The following GP2 variants were observed in gnomAD, a reference collection of about 807,000 sequenced individuals.
The protein encoded by GP2 is pancreatic secretory granule membrane major glycoprotein GP2.
GP2 carries 58 observed loss-of-function variants against 60.8 expected under a neutral mutation model. That is an observed-to-expected ratio of 0.95 (90% CI 0.77 to 1.19). The LOEUF (loss-of-function observed/expected upper bound fraction) is 1.19, where lower values mean the gene tolerates loss of function less well. Among genes scored for constraint, GP2 ranks in the 50% most tolerant of loss-of-function variants. The probability of loss-of-function intolerance (pLI) is 0.00; values close to 1 mark genes in which losing one functional copy is unlikely to be tolerated. For missense variants in GP2, 647 were observed against 667.4 expected (o/e 0.97, Z 0.34); for synonymous variants, 280 against 253.4 (o/e 1.10, Z -1.00).
intron 10 of GP2, among the ~76,000 whole-genome samples, chr16:20,312,426 A>T (rs1964016607): frequency 6.6e-6 from 1 of 152,242 alleles, no homozygotes; most frequent in Non-Finnish European, 1.5e-5. Context: ...AACATCAAAG[A>T]TGATTGTGAT....
At position 20,318,231 on chromosome 16, in the gene GP2, T is replaced by C; in HGVS notation, c.1207A>G (p.Thr403Ala). 6.2e-7 allele frequency: 1 copy of C among 1,612,996 alleles called. No individual in the cohort carries two copies. The highest frequency in any genetic ancestry group is 8.5e-7 in the Non-Finnish European group (1 of 1,178,962). ...TTCACAAGGTCAGCCTTGTCTTCAGTGGGGGTGGCATAGCAGTTCCTCAAC... is the reference window on the plus strand; with the variant it reads ...TTCACAAGGTCAGCCTTGTCTTCAGCGGGGGTGGCATAGCAGTTCCTCAAC... ...LVLRNCYATP[T>A]EDKADLVKYF... The change falls in exon 7 of 11, where the codon ACT becomes GCT. Residue 403 changes from threonine to alanine, a missense_variant. Physicochemically the swap from Thr to Ala is moderately conservative, Grantham distance 58. Transcript: ENST00000302555.
Position 20,319,444 on chromosome 16 carries a change from A to G in GP2, c.1007+176T>C, listed in dbSNP as rs187216176. On this transcript the variant is annotated intron_variant, in intron 6 of 10. Coordinates refer to ENST00000302555, the MANE Select transcript of GP2 (RefSeq NM_001502.4). ...GGAATAGTCTATGTCTGCCTTGTTC[A>G]TGCTGAACATCTTTAATATACAATC... Among the ~76,000 whole-genome samples the G allele has an allele frequency of 1.3e-3, 196 of 152,324 alleles. 1 individual carries two copies. Among genetic ancestry groups the G allele is most frequent in the African/African-American group, 4.6e-3 (191 of 41,578 alleles).
intron 8 of GP2, among the ~76,000 whole-genome samples, chr16:20,316,943 C>A: frequency 6.7e-6 from 1 of 149,022 alleles, no homozygotes; most frequent in East Asian, 2.0e-4. Flanking sequence ...CTTCCCTTCC[C>A]TCCCTCCTTC....
intron 2 of GP2, among the ~76,000 whole-genome samples, chr16:20,324,800 CAT>C (rs1964486467): frequency 6.6e-6 from 1 of 152,180 alleles, no homozygotes; most frequent in African/African-American, 2.4e-5. Flanking sequence ...CTTAATATAA[CAT>C]AGACATTTTT....
In GP2 at chr16:20,318,332, A is replaced by G; in HGVS notation, c.1106T>C (p.Val369Ala). The change falls in exon 7 of 11, where the codon GTT (valine) becomes GCT (alanine). Residue 369 changes from valine to alanine, a missense_variant. By Grantham distance (64) the Val-to-Ala change is moderately conservative. Coordinates refer to ENST00000302555, the MANE Select transcript of GP2 (RefSeq NM_001502.4). ...CAGCACGGACTCAACAGACAGTTCA[A>G]CTGCATCCCCTTCGTAAGGATTCGT... ...NYTNPYEGDA[V>A]ELSVESVLYV... The G allele has an allele frequency of 6.2e-7, 1 of 1,613,874 alleles. No individual in the cohort carries two copies. Among genetic ancestry groups the G allele is most frequent in the South Asian group, 1.1e-5 (1 of 91,084 alleles).
At chr16:20,320,001 G>C (rs926012203) in intron 5 of GP2, among the ~76,000 whole-genome samples, 3 of 152,162 alleles carry the variant, frequency 2.0e-5, no homozygotes, top group African/African-American at 4.8e-5. Flanking sequence ...CTTGGGAAGA[G>C]TCAGGAACCA....
rs1363147015 is a variant in GP2 at position 20,316,047 on chromosome 16, GGAT to G, written c.1417-10_1417-8del. The G allele has an allele frequency of 4.4e-6, 7 of 1,584,088 alleles. No individual in the cohort carries two copies. The African/African-American group carries it at 9.4e-5, about 21-fold the overall frequency. On this transcript the variant is annotated splice_region_variant and splice_polypyrimidine_tract_variant and intron_variant, in intron 8 of 10. Transcript: ENST00000302555. ...CTTGACTTCTTGAGCAAGACTGTAG[GGAT>G]GATGAACTTTTATTATATCAAAATT... is the stretch of plus-strand genomic sequence containing the variant.
intron 8 of GP2, among the ~76,000 whole-genome samples, chr16:20,316,405 A>G (rs931006841): frequency 6.6e-6 from 1 of 152,228 alleles, no homozygotes; most frequent in Non-Finnish European, 1.5e-5. Flanking sequence ...AGGCAGTTCC[A>G]AATGCAGGCA....
At chr16:20,314,592 G>A in intron 10 of GP2, 65 bp downstream of exon 10, 1 of 1,115,692 alleles carries the variant, frequency 9.0e-7, no homozygotes, top group Non-Finnish European at 1.4e-6. Flanking sequence ...CCATAAAAGG[G>A]GCAGAATTGA....
chr16:20,317,406 T>C (rs201361068), intron 7 of GP2, 31 bp from the exon 8 acceptor site: 1 of 1,578,274 alleles, frequency 6.3e-7, no homozygotes, highest in East Asian at 2.2e-5. Context: ...AAGGTGTAAC[T>C]TCTAAAAACA....
chr16:20,323,043 A>G, intron 3 of GP2, 64 bp from the exon 4 acceptor site: 1 of 851,814 alleles, frequency 1.2e-6, no homozygotes, highest in Non-Finnish European at 2.0e-6. Flanking sequence ...GAGGCCCCCA[A>G]GTCCAACCCT....
chr16:20,323,465 T>C, intron 3 of GP2: 1 of 700,738 alleles, frequency 1.4e-6, no homozygotes, highest in East Asian at 2.7e-5. Context: ...GCATTATGTA[T>C]TAGCTGTTAT....
At chr16:20,323,393 G>T in intron 3 of GP2, 1 of 718,400 alleles carries the variant, frequency 1.4e-6, no homozygotes, top group Non-Finnish European at 2.6e-6. Context: ...CGTGGAACTG[G>T]GGAGAGGATC....
rs917382594 is a variant in GP2, at chr16:20,311,125, C to A, written c.*98G>T. 2.5e-6 allele frequency: 2 copies of A among 796,712 alleles called. No homozygotes were observed. Among genetic ancestry groups the A allele is most frequent in the Non-Finnish European group, 4.5e-6 (2 of 444,276 alleles). The allele number at this position is 796,712 out of a possible 1,614,324, so 49.4% of individuals were successfully genotyped here. A position where few individuals can be genotyped will look rare whatever the true frequency, so the allele number is the denominator to read the frequency against. ...AGCTTGGCCTTGATTCTATTAATAC[C>A]AAGCCTGTGTGAATTGGAGTGGAAA... On this transcript the variant is annotated 3_prime_UTR_variant, in exon 11 of 11. Coordinates refer to ENST00000302555, the MANE Select transcript of GP2 (RefSeq NM_001502.4).
chr16:20,312,471 G>C lies in GP2; in HGVS notation c.1547-1190C>G, dbSNP rs562393482. ...TGAAAACCACAAGTGCCCTCTTGTA[G>C]TGGGTAGGCTGTCTCAACATCAGAC... On this transcript the variant is annotated intron_variant, in intron 10 of 10. Transcript: ENST00000302555. Among the ~76,000 whole-genome samples, 17 of 152,316 alleles carry C rather than the reference G, an allele frequency of 1.1e-4. No homozygotes were observed. In the East Asian group the frequency reaches 1.4e-3, roughly 12 times the overall value.
chr16:20,326,038 A>C (rs1964522697), intron 2 of GP2, among the ~76,000 whole-genome samples: 1 of 152,206 alleles, frequency 6.6e-6, no homozygotes, highest in Non-Finnish European at 1.5e-5. Flanking sequence ...AAGGTGACTG[A>C]GTTATGTATT....
Position 20,318,268 on chromosome 16 carries a change from C to G in GP2, c.1170G>C (p.Arg390=). 1 of 1,613,090 alleles carries G rather than the reference C, an allele frequency of 6.2e-7. No homozygotes were observed. Among genetic ancestry groups the G allele is most frequent in the South Asian group, 1.1e-5 (1 of 91,062 alleles). ...AGCAGTTCCTCAACACCAGGTTAAA[C>G]CGGGAGGTGTCCCCTTGTTCCAAGA... The part of the protein sequence containing the change: ...GAILEQGDTS[R]FNLVLRNCYA... The change falls in exon 7 of 11, where the codon CGG becomes CGC. Residue 390 remains arginine, a synonymous_variant. Transcript: ENST00000302555.
intron 4 of GP2, among the ~76,000 whole-genome samples, chr16:20,321,651 G>A (rs1213306712): frequency 6.6e-6 from 1 of 152,160 alleles, no homozygotes; most frequent in Admixed American, 6.5e-5. Flanking sequence ...AAGGGAACAG[G>A]AGAGGCAAAA....
At chr16:20,326,268 C>T (rs774886781) in intron 2 of GP2, 70 bp downstream of exon 2, 7 of 1,454,940 alleles carry the variant, frequency 4.8e-6, no homozygotes, top group Non-Finnish European at 6.7e-6. Context: ...GAGCCACCTT[C>T]TCTGCACTTC....
Sources: allele counts gnomAD v4.1 joint callset (sites outside exome capture counted in the v4.1 genomes callset), GRCh38; gene constraint gnomAD v4.1.1; transcripts MANE v1.5; gene names NCBI Gene and HGNC (gene_info 2026-07-23, HGNC 2026-07-21).